The following POSTN variants were observed in gnomAD, a reference collection of about 807,000 sequenced individuals.
The protein encoded by POSTN is osteoblast specific factor 2 (fasciclin I-like).
In POSTN, 71 loss-of-function variants were observed where a neutral mutation model predicts 104.5. The observed-to-expected ratio is 0.68, with a 90% CI of 0.56 to 0.83. The LOEUF (loss-of-function observed/expected upper bound fraction) is 0.83, where lower values mean the gene tolerates loss of function less well. Ranked by LOEUF, POSTN falls within the 40% of genes least tolerant of loss-of-function variation. The pLI, the probability that POSTN is intolerant of heterozygous loss-of-function variation, is 0.00. For missense variants in POSTN, 949 were observed against 1,006.8 expected, an observed-to-expected ratio of 0.94 and a Z score of 0.78; for synonymous variants, 355 against 340.7, an observed-to-expected ratio of 1.04 and a Z score of -0.46.
chr13:37,592,828 A>G, intron 2 of POSTN, among the ~76,000 whole-genome samples: 1 of 152,140 alleles, frequency 6.6e-6, no homozygotes, highest in Non-Finnish European at 1.5e-5. Context: ...GTGAATCTCA[A>G]ATGAAATAAT....
In POSTN at chr13:37,597,204, C is replaced by G. The variant is rs762929383; in HGVS notation, c.198G>C (p.Lys66Asn). 6 of 1,560,644 alleles carry G rather than the reference C, an allele frequency of 3.8e-6. No homozygotes were observed. Reference sequence around the variant, plus strand: ...CTTACGTTTTCTGTCCACAGATGGACTTTTTATACCAGTTCTTACAAGTGC... The same window carrying G: ...CTTACGTTTTCTGTCCACAGATGGAGTTTTTATACCAGTTCTTACAAGTGC... Reference protein sequence around the residue: ...YFSTCKNWYKKSICGQKTTVL... With the variant: ...YFSTCKNWYKNSICGQKTTVL... The change falls in exon 2 of 23, where the codon AAG becomes AAC. Residue 66 changes from lysine (K) to asparagine (N), a missense_variant. Transcript: ENST00000379747.
chr13:37,575,699 G>A (rs990517010), intron 16 of POSTN, among the ~76,000 whole-genome samples: 1 of 152,084 alleles, frequency 6.6e-6, no homozygotes, highest in Non-Finnish European at 1.5e-5. Context: ...TTTGGTTTCT[G>A]CAGTTCTCAC....
At position 37,592,209 on chromosome 13, in the gene POSTN, G is replaced by A. The variant is rs767626234; in HGVS notation, c.219-45C>T. ...TAATATTAAAATGAGAAACTAAATA[G>A]GATACATTTTTACATAAATTTGACA... On this transcript the variant is annotated intron_variant, in intron 2 of 22. Transcript: ENST00000379747. 1.1e-5 allele frequency: 13 copies of A among 1,144,014 alleles called. No homozygotes were observed. In the African/African-American group the frequency reaches 2.1e-4, roughly 18 times the overall value. 70.9% of individuals were successfully genotyped at this position (1,144,014 alleles called of 1,614,324 possible). A position where few individuals can be genotyped will look rare whatever the true frequency, so the allele number is the denominator to read the frequency against.
intron 16 of POSTN, 57 bp from the exon 17 acceptor site, chr13:37,574,709 T>G (rs1950356447): frequency 3.3e-6 from 2 of 607,726 alleles, no homozygotes; most frequent in Admixed American, 4.8e-5. Context: ...TGAACAAAGG[T>G]TTTTTTTTTT....
At chr13:37,583,820 C>A (rs1171153339) in intron 9 of POSTN, 149 bp downstream of exon 9, 25 of 814,414 alleles carry the variant, frequency 3.1e-5, no homozygotes, top group Middle Eastern at 3.5e-4. Flanking sequence ...TTAGTAGAGA[C>A]CATGTAGTGT....
chr13:37,577,814 T>G lies in POSTN; in HGVS notation c.1963-16A>C, dbSNP rs1566018394. ...CACGAACAAACTGAAAATAAATGTT[T>G]ATATTTAGTAACATGAAAGGTGATA... On this transcript the variant is annotated splice_polypyrimidine_tract_variant and intron_variant, in intron 15 of 22. Coordinates refer to ENST00000379747, the MANE Select transcript of POSTN (RefSeq NM_006475.3). 1.2e-6 allele frequency: 2 copies of G among 1,613,432 alleles called. No individual in the cohort carries two copies. Among genetic ancestry groups the G allele is most frequent in the East Asian group, 2.2e-5 (1 of 44,788 alleles).
At chr13:37,569,628 G>A (rs1950204779) in intron 20 of POSTN, 116 bp downstream of exon 20, 2 of 916,912 alleles carry the variant, frequency 2.2e-6, no homozygotes, top group Non-Finnish European at 3.6e-6. Flanking sequence ...TTTTCTTGTT[G>A]GTATGGAAAT....
At chr13:37,588,017 T>C (rs1194831561) in intron 4 of POSTN, 31 bp from the exon 5 acceptor site, 13 of 1,525,352 alleles carry the variant, frequency 8.5e-6, no homozygotes, top group Non-Finnish European at 1.2e-5. Flanking sequence ...AGAAATTCAA[T>C]TTATTGTGGA....
intron 16 of POSTN, among the ~76,000 whole-genome samples, chr13:37,574,935 C>T (rs1472764286): frequency 6.6e-6 from 1 of 151,856 alleles, no homozygotes; most frequent in Non-Finnish European, 1.5e-5. Flanking sequence ...TTTAATTGTA[C>T]CGCTAAAGCG....
chr13:37,586,086 A>T lies in POSTN; in HGVS notation c.895+53T>A, dbSNP rs1950734285. On this transcript the variant is annotated intron_variant, in intron 7 of 22. Coordinates refer to ENST00000379747, the MANE Select transcript of POSTN (RefSeq NM_006475.3). ...ATTGGTAAGGACTAGCCTCTTTTTT[A>T]TTCCCTTCTCAGAATGCTGGGAGAC... is the stretch of plus-strand genomic sequence containing the variant. 5 of 1,511,574 alleles carry T rather than the reference A, an allele frequency of 3.3e-6. No homozygotes were observed. In the East Asian group the frequency reaches 6.8e-5, roughly 21 times the overall value. 93.6% of individuals were successfully genotyped at this position (1,511,574 alleles called of 1,614,324 possible).
chr13:37,597,328 C>T (rs199957311), intron 1 of POSTN, 46 bp from the exon 2 acceptor site: 1 of 1,291,838 alleles, frequency 7.7e-7, no homozygotes, highest in Non-Finnish European at 1.1e-6. Context: ...CTAATAATGA[C>T]TAGTTTTTCG....
At chr13:37,563,392 T>C in intron 22 of POSTN, 22 bp from the exon 23 acceptor site, 1 of 1,501,614 alleles carries the variant, frequency 6.7e-7, no homozygotes, top group Non-Finnish European at 9.1e-7. Flanking sequence ...GAAAGGAGAA[T>C]GTATAGACTG....
intron 16 of POSTN, among the ~76,000 whole-genome samples, chr13:37,576,689 T>C (rs957118090): frequency 6.6e-6 from 1 of 152,148 alleles, no homozygotes; most frequent in Non-Finnish European, 1.5e-5. Context: ...AAGGATTGCT[T>C]AATTTTCAGA....
Position 37,584,742 on chromosome 13 carries a change from A to G in POSTN, c.1082T>C (p.Ile361Thr), listed in dbSNP as rs1313099394. The G allele has an allele frequency of 6.2e-7, 1 of 1,613,774 alleles. No individual in the cohort carries two copies. The highest frequency in any genetic ancestry group is 8.5e-7 in the Non-Finnish European group (1 of 1,179,878). The change falls in exon 8 of 23, where the codon ATT becomes ACT. Residue 361 changes from isoleucine to threonine, a missense_variant. Coordinates refer to ENST00000379747, the MANE Select transcript of POSTN (RefSeq NM_006475.3). ...IVTNNGVIHLIDQVLIPDSAK... is the reference protein window; with the variant it reads ...IVTNNGVIHLTDQVLIPDSAK... ...AGAATCAGGAATTAGGACCTGATCAATCAAATGGATCACACCATTATTTGT... is the reference window on the plus strand; with the variant it reads ...AGAATCAGGAATTAGGACCTGATCAGTCAAATGGATCACACCATTATTTGT...
At chr13:37,571,320 A>T (rs760816562) in intron 18 of POSTN, 49 bp downstream of exon 18, 1 of 1,222,522 alleles carries the variant, frequency 8.2e-7, no homozygotes, top group Admixed American at 2.2e-5. Flanking sequence ...CACTATTTCA[A>T]AATAATCACA....
At chr13:37,589,532 T>C (rs1950862118) in intron 4 of POSTN, among the ~76,000 whole-genome samples, 1 of 152,078 alleles carries the variant, frequency 6.6e-6, no homozygotes, top group African/African-American at 2.4e-5. Context: ...TGGTGTGTGA[T>C]ATTCCCCTTG....
chr13:37,570,430 A>G (rs1221566396), intron 19 of POSTN, 150 bp downstream of exon 19: 8 of 553,504 alleles, frequency 1.4e-5, no homozygotes, highest in Non-Finnish European at 2.5e-5. Context: ...TTACATATTT[A>G]GAATAATATT....
At chr13:37,564,960 A>G (rs1950046979) in intron 21 of POSTN, 1 of 158,908 alleles carries the variant, frequency 6.3e-6, no homozygotes, top group African/African-American at 2.4e-5. Flanking sequence ...TTAGCCACCC[A>G]TTTTTGCAGT....
chr13:37,571,634 G>A, intron 17 of POSTN, 176 bp from the exon 18 acceptor site: 1 of 505,858 alleles, frequency 2.0e-6, no homozygotes, highest in African/African-American at 2.0e-5. Context: ...CAAGAGTTAT[G>A]AGAACAAATG....
Sources: gnomAD v4.1 joint callset for allele counts (sites outside exome capture counted in the v4.1 genomes callset) on GRCh38, gnomAD v4.1.1 for gene constraint, MANE v1.5 for transcripts, NCBI Gene and HGNC (gene_info 2026-07-23, HGNC 2026-07-21) for gene names.